DNAI7: variants seen among roughly 807,000 people sequenced by gnomAD.
The protein encoded by DNAI7 is cancer susceptibility 1.
In DNAI7, 78 loss-of-function variants were observed where a neutral mutation model predicts 86.6. The observed-to-expected ratio is 0.90, with a 90% confidence interval of 0.75 to 1.09. DNAI7 has a LOEUF of 1.09. Ranked by LOEUF, DNAI7 falls within the 50% of genes least tolerant of loss-of-function variation. The pLI is 0.00. For missense variants in DNAI7, 753 were observed against 810.2 expected (o/e 0.93, Z 0.86); for synonymous variants, 274 against 273.0 (o/e 1.00, Z -0.04).
intron 4 of DNAI7, among the ~76,000 whole-genome samples, chr12:25,157,037 C>A (rs1364508930): frequency 6.6e-6 from 1 of 151,952 alleles, no homozygotes; most frequent in Non-Finnish European, 1.5e-5. Flanking sequence ...ACCTGTAATC[C>A]CAGCACTTTG....
At chr12:25,158,438 G>C in intron 4 of DNAI7, 34 bp downstream of exon 4, 2 of 1,495,874 alleles carry the variant, frequency 1.3e-6, no homozygotes, top group Non-Finnish European at 1.9e-6. Context: ...CATAGTTTAA[G>C]TATTCATTAA....
At chr12:25,156,136 A>G (rs1389877438) in intron 4 of DNAI7, among the ~76,000 whole-genome samples, 2 of 152,160 alleles carry the variant, frequency 1.3e-5, no homozygotes, top group Non-Finnish European at 2.9e-5. Context: ...TGCCCTGATG[A>G]AGAGGTGAAA....
In DNAI7 at chr12:25,174,387, GGGATATATC is replaced by G. The variant is rs1565810205; in HGVS notation, c.22-13199_22-13191del. ...CATATATATGTTATATCATATATAT[GGGATATATC>G]ATATATATGGGATATATGGGATATA... On this transcript the variant is annotated intron_variant, in intron 2 of 15. Transcript: ENST00000395987. Among the ~76,000 whole-genome samples, 3 of 652 alleles carry G rather than the reference GGGATATATC, an allele frequency of 4.6e-3. 1 individual carries two copies. The highest frequency in any genetic ancestry group is 5.3e-3 in the Non-Finnish European group (2 of 380). 0.4% of individuals were successfully genotyped at this position (652 alleles called of 152,430 possible).
At position 25,174,784 on chromosome 12, in the gene DNAI7, A is replaced by G. The variant is rs543882751; in HGVS notation, c.22-13587T>C. ...TATGATGGAATACTACACGGCCATAAAAAGGAATGAATTAACAGCATTTGC... is the reference window on the plus strand; with the variant it reads ...TATGATGGAATACTACACGGCCATAGAAAGGAATGAATTAACAGCATTTGC... On this transcript the variant is annotated intron_variant, in intron 2 of 15. Coordinates refer to ENST00000395987, the MANE Select transcript of DNAI7 (RefSeq NM_018272.5). Among the ~76,000 whole-genome samples, 3 of 149,208 alleles carry G rather than the reference A, an allele frequency of 2.0e-5. No homozygotes were observed. The East Asian group carries it at 5.8e-4, about 29-fold the overall frequency.
chr12:25,124,982 A>G lies in DNAI7; in HGVS notation c.1003-1696T>C, dbSNP rs187671819. ...CTTTCTTATGGCTGCATAGTATTCC[A>G]TGGTGGGTATGTACATTTTCTTTAT... On this transcript the variant is annotated intron_variant, in intron 9 of 15. Coordinates refer to ENST00000395987, the MANE Select transcript of DNAI7 (RefSeq NM_018272.5). 7.1e-3 allele frequency among the ~76,000 whole-genome samples: 1,078 copies of G among 152,326 alleles called. 9 individuals are homozygous for G. Among genetic ancestry groups the G allele is most frequent in the Non-Finnish European group, 0.011 (728 of 68,028 alleles).
intron 3 of DNAI7, 93 bp from the exon 4 acceptor site, chr12:25,158,656 T>C (rs1473162455): frequency 2.0e-6 from 3 of 1,511,162 alleles, no homozygotes; most frequent in Non-Finnish European, 1.8e-6. Flanking sequence ...GATGTAGTGG[T>C]GGAATCTTTT....
chr12:25,130,170 G>A (rs1021714276), intron 9 of DNAI7, among the ~76,000 whole-genome samples: 3 of 152,294 alleles, frequency 2.0e-5, no homozygotes, highest in African/African-American at 7.2e-5. Flanking sequence ...TTAAAAACAA[G>A]AGCGTGTTGA....
chr12:25,155,345 T>G lies in DNAI7; in HGVS notation c.266A>C (p.Glu89Ala). The G allele has an allele frequency of 6.2e-7, 1 of 1,606,082 alleles. No homozygotes were observed. Among genetic ancestry groups the G allele is most frequent in the Non-Finnish European group, 8.5e-7 (1 of 1,175,224 alleles). The change falls in exon 5 of 16, where the codon GAG becomes GCG. Residue 89 changes from glutamate (E) to alanine (A), a missense_variant. Physicochemically the swap from Glu to Ala is moderately radical, Grantham distance 107. Coordinates refer to ENST00000395987, the MANE Select transcript of DNAI7 (RefSeq NM_018272.5). ...CAATTTAGTTTCCTGTTTCAATTTC[T>G]CTGCTTCAGGAAAACACCTCTCTAA... ...YLLERCFPEA[E>A]KLKQETKLLS...
intron 15 of DNAI7, among the ~76,000 whole-genome samples, chr12:25,109,098 CAGAG>C: frequency 6.6e-6 from 1 of 152,040 alleles, no homozygotes. Context: ...GGGGATATAA[CAGAG>C]AAAGAAAACA....
In DNAI7 at chr12:25,111,803, T is replaced by C; in HGVS notation, c.1748A>G (p.His583Arg). The C allele has an allele frequency of 1.3e-6, 2 of 1,591,306 alleles. No homozygotes were observed. The highest frequency in any genetic ancestry group is 2.3e-5 in the South Asian group (2 of 85,962). ...GTTTATAATAACATAAAAATGAGAG[T>C]GTCTAGTAGGAAAGATATTCAGTCC... ...EAGLNIFPTR[H>R]SHFYVIINNK... The change falls in exon 14 of 16, where the codon CAC becomes CGC. Residue 583 changes from histidine (H) to arginine (R), a missense_variant. By Grantham distance (29) the His-to-Arg change is conservative. Coordinates refer to ENST00000395987, the MANE Select transcript of DNAI7 (RefSeq NM_018272.5).
intron 15 of DNAI7, among the ~76,000 whole-genome samples, chr12:25,109,922 C>T (rs1405532898): frequency 6.6e-6 from 1 of 150,974 alleles, no homozygotes; most frequent in Non-Finnish European, 1.5e-5. Flanking sequence ...AGGTGATCTG[C>T]CCACCTCAGC....
At chr12:25,139,293 T>C in intron 9 of DNAI7, among the ~76,000 whole-genome samples, 1 of 151,682 alleles carries the variant, frequency 6.6e-6, no homozygotes, top group East Asian at 1.9e-4. Flanking sequence ...CAAAGAAAAA[T>C]TGATACCAAT....
chr12:25,187,577 C>T (rs182334254), intron 2 of DNAI7, among the ~76,000 whole-genome samples: 17 of 152,200 alleles, frequency 1.1e-4, no homozygotes, highest in African/African-American at 3.4e-4. Flanking sequence ...AATATTCTTC[C>T]ATGTTTGCAA....
intron 8 of DNAI7, 136 bp from the exon 9 acceptor site, chr12:25,144,813 T>C: frequency 1.5e-6 from 1 of 683,318 alleles, no homozygotes; most frequent in East Asian, 2.7e-5. Flanking sequence ...GTGCTTTCTT[T>C]GCAGCATTTG....
rs766159283 is a variant in DNAI7, at chr12:25,144,657, G to A, written c.710C>T (p.Ser237Phe). 4.3e-6 allele frequency: 7 copies of A among 1,613,486 alleles called. No homozygotes were observed. Among genetic ancestry groups the A allele is most frequent in the Non-Finnish European group, 5.1e-6 (6 of 1,179,728 alleles). Residue 237 changes from serine (S) to phenylalanine (F), a missense_variant, in exon 9 of 16, where the codon TCT becomes TTT. Physicochemically the swap from Ser to Phe is radical, Grantham distance 155. Transcript: ENST00000395987. ...KNPRHRSVRF[S>F]ETQIGFEIPR... ...AATCTCAAATCCAATTTGTGTTTCA[G>A]AGAATCTAACACTTCTGTGCCTGTT...
intron 2 of DNAI7, among the ~76,000 whole-genome samples, chr12:25,173,126 C>T (rs922111017): frequency 2.0e-5 from 3 of 152,096 alleles, no homozygotes; most frequent in Non-Finnish European, 2.9e-5. Context: ...AGACCTTTTG[C>T]ATGGCAAAAG....
At chr12:25,186,122 A>T (rs1950013150) in intron 2 of DNAI7, among the ~76,000 whole-genome samples, 1 of 152,186 alleles carries the variant, frequency 6.6e-6, no homozygotes, top group Admixed American at 6.5e-5. Flanking sequence ...TATTTCATGT[A>T]TTCTGTGAAG....
chr12:25,118,308 G>A (rs10842472), intron 12 of DNAI7, among the ~76,000 whole-genome samples: 25,908 of 151,790 alleles, frequency 0.17, 2,321 homozygotes, highest in Middle Eastern at 0.23. Flanking sequence ...CTGTGGCCCA[G>A]ACTGGAGTAC....
chr12:25,187,308 C>G lies in DNAI7; in HGVS notation c.21+3306G>C, dbSNP rs143486947. On this transcript the variant is annotated intron_variant, in intron 2 of 15. Transcript: ENST00000395987. ...CTCATTCCCCCAGGTAATTACTAAC[C>G]TACTCCCTTGCTTCATCCAGGTCTC... 3.9e-5 allele frequency among the ~76,000 whole-genome samples: 6 copies of G among 152,268 alleles called. No homozygotes were observed. The East Asian group carries it at 1.2e-3, about 29-fold the overall frequency.
Sources: allele counts gnomAD v4.1 joint callset (sites outside exome capture counted in the v4.1 genomes callset), GRCh38; gene constraint gnomAD v4.1.1; transcripts MANE v1.5; gene names NCBI Gene and HGNC (gene_info 2026-07-23, HGNC 2026-07-21).